ANKRD44: variants seen among roughly 807,000 people sequenced by gnomAD.
ANKRD44 encodes the protein serine/threonine-protein phosphatase 6 regulatory ankyrin repeat subunit B.
Under a neutral mutation model 116.0 loss-of-function variants are expected in ANKRD44, and 35 were observed. The ratio of observed to expected loss-of-function variants is 0.30; its 90% CI spans 0.23 to 0.40. The LOEUF (loss-of-function observed/expected upper bound fraction) is 0.40. ANKRD44 is among the 10% of genes least tolerant of loss of function. The pLI is 1.00. For synonymous variants in ANKRD44, 435 were observed against 461.8 expected (o/e 0.94, Z 0.74); for missense variants, 1,014 against 1,242.6 (o/e 0.82, Z 2.77).
At chr2:197,261,528 A>G (rs1258791181) in intron 1 of ANKRD44, among the ~76,000 whole-genome samples, 2 of 148,326 alleles carry the variant, frequency 1.3e-5, no homozygotes, top group Non-Finnish European at 1.5e-5. Flanking sequence ...AAAAAAAAAA[A>G]GAAGTAAAAA....
At chr2:197,025,146 G>A (rs746791125) in intron 17 of ANKRD44, 50 bp downstream of exon 17, 13 of 1,543,744 alleles carry the variant, frequency 8.4e-6, no homozygotes, top group South Asian at 1.1e-5. Flanking sequence ...TTTTAGGAAT[G>A]CTTAGGTTGT....
At chr2:197,016,089 A>G in intron 17 of ANKRD44, 1 of 437,930 alleles carries the variant, frequency 2.3e-6, no homozygotes, top group Admixed American at 2.6e-5. Flanking sequence ...GGTTACTTTG[A>G]GACAATTGTC....
At chr2:197,281,124 T>C (rs893510177) in intron 1 of ANKRD44, among the ~76,000 whole-genome samples, 4 of 152,154 alleles carry the variant, frequency 2.6e-5, no homozygotes, top group South Asian at 4.1e-4. Context: ...TCTTTGCAAA[T>C]GGATTTCACT....
chr2:197,022,315 T>C (rs1177938584), intron 17 of ANKRD44, among the ~76,000 whole-genome samples: 1 of 152,362 alleles, frequency 6.6e-6, no homozygotes, highest in Non-Finnish European at 1.5e-5. Context: ...CATCATCTCT[T>C]GCCTGGTTTG....
chr2:197,177,536 C>A (rs1480801571), intron 2 of ANKRD44, among the ~76,000 whole-genome samples: 3 of 151,984 alleles, frequency 2.0e-5, no homozygotes, highest in African/African-American at 4.8e-5. Flanking sequence ...AAAGTCAAAT[C>A]TTTATAGTAA....
chr2:197,277,559 A>G (rs1308342294), intron 1 of ANKRD44, among the ~76,000 whole-genome samples: 1 of 152,104 alleles, frequency 6.6e-6, no homozygotes, highest in Admixed American at 6.5e-5. Context: ...TGGGATAAAT[A>G]CCACTCCTAT....
intron 1 of ANKRD44, among the ~76,000 whole-genome samples, chr2:197,191,142 T>C (rs2080812124): frequency 6.6e-6 from 1 of 152,212 alleles, no homozygotes; most frequent in Non-Finnish European, 1.5e-5. Flanking sequence ...TGCAAAATGA[T>C]TGTCAGTGCT....
At chr2:196,993,074 C>T (rs2075950333) in intron 27 of ANKRD44, among the ~76,000 whole-genome samples, 1 of 152,070 alleles carries the variant, frequency 6.6e-6, no homozygotes, top group South Asian at 2.1e-4. Flanking sequence ...AAGCTTCAAG[C>T]CTAGACGTTA....
At chr2:197,223,258 C>T (rs146660488) in intron 1 of ANKRD44, among the ~76,000 whole-genome samples, 71 of 152,310 alleles carry the variant, frequency 4.7e-4, no homozygotes, top group African/African-American at 1.5e-3. Flanking sequence ...CCATTACCTA[C>T]CCTTCCACTT....
intron 25 of ANKRD44, 43 bp downstream of exon 25, chr2:196,998,294 T>C: frequency 1.4e-6 from 2 of 1,389,336 alleles, no homozygotes; most frequent in Non-Finnish European, 1.0e-6. Flanking sequence ...TTACTGTTAT[T>C]ATTATAACGT....
intron 1 of ANKRD44, among the ~76,000 whole-genome samples, chr2:197,290,509 A>G (rs1040812990): frequency 2.0e-5 from 3 of 152,218 alleles, no homozygotes; most frequent in Non-Finnish European, 2.9e-5. Context: ...GGAGATTCGA[A>G]GTCAGAACTT....
At chr2:197,118,965 A>AT (rs1401254418) in intron 8 of ANKRD44, among the ~76,000 whole-genome samples, 3 of 152,080 alleles carry the variant, frequency 2.0e-5, no homozygotes, top group Non-Finnish European at 2.9e-5. Flanking sequence ...GGCTTAATGT[A>AT]TTTTTTATTC....
At chr2:197,140,470 C>T (rs1282176970) in intron 3 of ANKRD44, among the ~76,000 whole-genome samples, 2 of 152,178 alleles carry the variant, frequency 1.3e-5, no homozygotes, top group African/African-American at 4.8e-5. Flanking sequence ...CAGCACATGC[C>T]ACCATGCCCA....
At chr2:197,077,165 T>C (rs761577991) in intron 16 of ANKRD44, among the ~76,000 whole-genome samples, 1 of 152,146 alleles carries the variant, frequency 6.6e-6, no homozygotes, top group Non-Finnish European at 1.5e-5. Context: ...CTGGCCAGCA[T>C]CTGTTATTTT....
intron 1 of ANKRD44, among the ~76,000 whole-genome samples, chr2:197,294,219 A>T (rs1245484372): frequency 6.6e-6 from 1 of 152,220 alleles, no homozygotes; most frequent in Non-Finnish European, 1.5e-5. Flanking sequence ...TGTACACTAC[A>T]TTAATTTCTT....
chr2:196,987,871 CAT>C lies in ANKRD44; in HGVS notation c.*1718_*1719del. ...TTTTCTTAGAAAGCTATGGTGCAAA[CAT>C]AATTTTATTTCTAAGAGATGTAATT... On this transcript the variant is annotated 3_prime_UTR_variant, in exon 28 of 28. Transcript: ENST00000282272. 3 of 981,872 alleles carry C rather than the reference CAT, an allele frequency of 3.1e-6. No individual in the cohort carries two copies. Among genetic ancestry groups the C allele is most frequent in the Non-Finnish European group, 3.6e-6 (3 of 827,018 alleles). The allele number at this position is 981,872 out of a possible 1,614,324, so 60.8% of individuals were successfully genotyped here.
Position 197,116,189 on chromosome 2 carries a change from G to C in ANKRD44, c.906+5143C>G, listed in dbSNP as rs192320239. Among the ~76,000 whole-genome samples, 8 of 152,338 alleles carry C rather than the reference G, an allele frequency of 5.3e-5. No individual in the cohort carries two copies. In the East Asian group the frequency reaches 1.4e-3, roughly 26 times the overall value. On this transcript the variant is annotated intron_variant, in intron 8 of 27. Coordinates refer to ENST00000282272, the MANE Select transcript of ANKRD44 (RefSeq NM_001195144.2). ...AGTTAACTGGGAGCAGTAGGCCGGT[G>C]TGCCAGAGAGTAGCCTTCTAGCCTC...
intron 16 of ANKRD44, among the ~76,000 whole-genome samples, chr2:197,046,604 C>T (rs867310551): frequency 1.3e-5 from 2 of 150,594 alleles, no homozygotes; most frequent in African/African-American, 4.9e-5. Context: ...TGAGATCGTG[C>T]CACTGCACTC....
intron 2 of ANKRD44, among the ~76,000 whole-genome samples, chr2:197,159,779 C>T (rs999487088): frequency 2.6e-5 from 4 of 152,106 alleles, no homozygotes; most frequent in African/African-American, 9.7e-5. Flanking sequence ...TATTATTGTC[C>T]TCATTTTACA....
Sources: allele counts gnomAD v4.1 joint callset (sites outside exome capture counted in the v4.1 genomes callset), GRCh38; gene constraint gnomAD v4.1.1; transcripts MANE v1.5; gene names NCBI Gene and HGNC (gene_info 2026-07-23, HGNC 2026-07-21).